MEMO1: variants seen among roughly 807,000 people sequenced by gnomAD.
The protein encoded by MEMO1 is protein MEMO1.
A neutral mutation model predicts 45.2 loss-of-function variants in MEMO1; 6 were observed. The observed-to-expected ratio is 0.13, with a 90% confidence interval of 0.07 to 0.26. The LOEUF (loss-of-function observed/expected upper bound fraction) is 0.26, where lower values mean the gene tolerates loss of function less well. Among genes scored for constraint, MEMO1 ranks in the 10% least tolerant of loss-of-function variants. MEMO1 has a pLI of 1.00. For missense variants in MEMO1, 184 were observed against 370.5 expected, an observed-to-expected ratio of 0.50 and a Z score of 4.13; for synonymous variants, 78 against 124.3, an observed-to-expected ratio of 0.63 and a Z score of 2.48.
chr2:32,007,317 T>C (rs1450102608), intron 2 of MEMO1, among the ~76,000 whole-genome samples: 1 of 152,142 alleles, frequency 6.6e-6, no homozygotes, highest in Non-Finnish European at 1.5e-5. Flanking sequence ...ATAATTCAAA[T>C]CCTACCCCAA....
intron 2 of MEMO1, among the ~76,000 whole-genome samples, chr2:31,978,001 C>T (rs950742748): frequency 3.9e-5 from 6 of 152,076 alleles, no homozygotes; most frequent in African/African-American, 1.4e-4. Context: ...ATTAAGAGCT[C>T]CAACTGCAGA....
At chr2:31,994,643 T>TAAC (rs1414125151) in intron 2 of MEMO1, among the ~76,000 whole-genome samples, 1 of 150,630 alleles carries the variant, frequency 6.6e-6, no homozygotes, top group Non-Finnish European at 1.5e-5. Flanking sequence ...AAAAAAATAA[T>TAAC]AATAATAATA....
intron 3 of MEMO1, among the ~76,000 whole-genome samples, chr2:31,933,008 T>G (rs950090833): frequency 6.6e-6 from 1 of 152,024 alleles, no homozygotes; most frequent in Non-Finnish European, 1.5e-5. Context: ...TAGAGATATA[T>G]CCATACAATG....
At chr2:32,007,729 G>C (rs1402412975) in intron 2 of MEMO1, among the ~76,000 whole-genome samples, 1 of 152,112 alleles carries the variant, frequency 6.6e-6, no homozygotes, top group African/African-American at 2.4e-5. Context: ...ATATGCTAGA[G>C]AAATAACACA....
chr2:31,912,316 G>T (rs573185734), intron 6 of MEMO1, among the ~76,000 whole-genome samples: 1 of 151,894 alleles, frequency 6.6e-6, no homozygotes, highest in Admixed American at 6.6e-5. Flanking sequence ...ACTCTAGCCT[G>T]GGCAACAGAG....
chr2:31,930,640 T>A (rs1664035607), intron 4 of MEMO1, among the ~76,000 whole-genome samples: 1 of 151,942 alleles, frequency 6.6e-6, no homozygotes, highest in South Asian at 2.1e-4. Context: ...GAAAGAAGCT[T>A]ATAAAATATA....
intron 4 of MEMO1, among the ~76,000 whole-genome samples, chr2:31,921,228 G>A (rs1030128600): frequency 3.9e-5 from 6 of 152,182 alleles, no homozygotes; most frequent in African/African-American, 9.7e-5. Context: ...CCTGCACAGA[G>A]ATATGATCAT....
At chr2:31,954,489 T>C (rs1182029813) in intron 2 of MEMO1, among the ~76,000 whole-genome samples, 1 of 152,094 alleles carries the variant, frequency 6.6e-6, no homozygotes, top group African/African-American at 2.4e-5. Flanking sequence ...CTTACTCCTA[T>C]AATAGTCAAA....
chr2:31,884,600 T>C (rs1439322594), intron 7 of MEMO1, among the ~76,000 whole-genome samples: 1 of 152,208 alleles, frequency 6.6e-6, no homozygotes, highest in African/African-American at 2.4e-5. Context: ...TAAAACCCTC[T>C]TTGATGTCCT....
intron 2 of MEMO1, among the ~76,000 whole-genome samples, chr2:31,998,279 C>T (rs1672844485): frequency 6.6e-6 from 1 of 151,988 alleles, no homozygotes; most frequent in African/African-American, 2.4e-5. Flanking sequence ...TCCCAAAGTG[C>T]TGGGATTACA....
At chr2:31,945,527 C>A (rs1042777390) in intron 2 of MEMO1, among the ~76,000 whole-genome samples, 5 of 152,162 alleles carry the variant, frequency 3.3e-5, no homozygotes, top group African/African-American at 1.2e-4. Flanking sequence ...ACTCCCCGAC[C>A]CCCTTTTCTT....
intron 6 of MEMO1, among the ~76,000 whole-genome samples, chr2:31,894,941 A>T (rs1246595186): frequency 1.3e-5 from 2 of 152,172 alleles, no homozygotes; most frequent in African/African-American, 4.8e-5. Flanking sequence ...CAAGGTGTTT[A>T]GGTACAGCCT....
intron 2 of MEMO1, among the ~76,000 whole-genome samples, chr2:31,980,650 C>T (rs1209666864): frequency 9.9e-5 from 15 of 152,094 alleles, no homozygotes; most frequent in Admixed American, 9.8e-4. Context: ...CCTTCTCCAA[C>T]ATTTTTCACT....
intron 2 of MEMO1, among the ~76,000 whole-genome samples, chr2:31,989,803 A>G (rs934964000): frequency 1.3e-5 from 2 of 152,206 alleles, no homozygotes; most frequent in Non-Finnish European, 2.9e-5. Context: ...ATGGCTATCC[A>G]TAAGTATCTG....
At chr2:32,010,412 G>T (rs1674736144) in intron 1 of MEMO1, 148 bp from the exon 2 acceptor site, 3 of 417,352 alleles carry the variant, frequency 7.2e-6, no homozygotes, top group Non-Finnish European at 1.3e-5. Context: ...AAGAGGAGGA[G>T]GCGGCGGCCC....
intron 2 of MEMO1, among the ~76,000 whole-genome samples, chr2:32,006,990 A>C (rs1353623423): frequency 6.7e-6 from 1 of 150,000 alleles, no homozygotes; most frequent in African/African-American, 2.4e-5. Flanking sequence ...AAAAAAAAGA[A>C]GTGAGAATGA....
chr2:31,923,122 C>A (rs1682567301), intron 4 of MEMO1, among the ~76,000 whole-genome samples: 1 of 152,156 alleles, frequency 6.6e-6, no homozygotes, highest in Non-Finnish European at 1.5e-5. Context: ...TTCTCCACAA[C>A]CTTGCCAGCA....
intron 7 of MEMO1, among the ~76,000 whole-genome samples, chr2:31,887,657 G>A (rs7577579): frequency 1.3e-5 from 2 of 152,058 alleles, no homozygotes; most frequent in Non-Finnish European, 2.9e-5. Flanking sequence ...ATACGATCAT[G>A]CTTTCAATCT....
intron 2 of MEMO1, among the ~76,000 whole-genome samples, chr2:31,999,448 A>T (rs997530030): frequency 1.3e-5 from 2 of 152,152 alleles, no homozygotes; most frequent in Non-Finnish European, 2.9e-5. Flanking sequence ...AGATTGCTTC[A>T]GTCCACAAGT....
Sources: gnomAD v4.1 joint callset for allele counts (sites outside exome capture counted in the v4.1 genomes callset) on GRCh38, gnomAD v4.1.1 for gene constraint, MANE v1.5 for transcripts, NCBI Gene and HGNC (gene_info 2026-07-23, HGNC 2026-07-21) for gene names.